RSPH10B2: variants seen among roughly 807,000 people sequenced by gnomAD.
The protein encoded by RSPH10B2 is radial spoke head 10 homolog B2, also known as radial spoke head 10 homolog B2 (Chlamydomonas).
RSPH10B2 carries 9 observed loss-of-function variants against 49.0 expected under a neutral mutation model. The observed-to-expected ratio is 0.18, with a 90% CI of 0.11 to 0.32. The LOEUF is 0.32. Among genes scored for constraint, RSPH10B2 ranks in the 10% least tolerant of loss-of-function variants. The pLI, the probability that RSPH10B2 is intolerant of heterozygous loss-of-function variation, is 1.00. For missense variants in RSPH10B2, 95 were observed against 589.9 expected, an observed-to-expected ratio of 0.16 and a Z score of 8.69; for synonymous variants, 35 against 210.2, an observed-to-expected ratio of 0.17 and a Z score of 7.21.
intron 3 of RSPH10B2, among the ~76,000 whole-genome samples, chr7:6,763,471 G>GACCC (rs1305639372): frequency 3.3e-5 from 4 of 121,794 alleles, no homozygotes; most frequent in African/African-American, 1.3e-4. Flanking sequence ...TCTTTTTCTA[G>GACCC]AGACAGGGTC....
At chr7:6,755,825 C>G (rs1265477719), upstream of RSPH10B2, among the ~76,000 whole-genome samples, 1 of 114,072 alleles carries the variant, frequency 8.8e-6, no homozygotes, top group Non-Finnish European at 1.7e-5. Context: ...CCCAGCTACT[C>G]GAGAGGCTGA....
intron 13 of RSPH10B2, among the ~76,000 whole-genome samples, chr7:6,783,793 T>G (rs910182001): frequency 6.7e-6 from 1 of 149,456 alleles, no homozygotes; most frequent in African/African-American, 2.5e-5. Context: ...TTTCATTTGT[T>G]TCAAGCATGT....
Position 6,780,370 on chromosome 7 carries a change from A to G in RSPH10B2, c.1530-439A>G, listed in dbSNP as rs567076773. 3.2e-4 allele frequency among the ~76,000 whole-genome samples: 39 copies of G among 123,164 alleles called. 7 individuals carry two copies. The highest frequency in any genetic ancestry group is 1.1e-3 in the African/African-American group (38 of 33,572). The allele number at this position is 123,164 out of a possible 152,430, so 80.8% of individuals were successfully genotyped here. A position where few individuals can be genotyped will look rare whatever the true frequency, so the allele number is the denominator to read the frequency against. On this transcript the variant is annotated intron_variant, in intron 11 of 18. Transcript: ENST00000297186. ...CAAAAGTGGTTTTATATCTTTTTTT[A>G]AAAAAACTTTTATTTACATATTTAT... is the stretch of plus-strand genomic sequence containing the variant.
intron 11 of RSPH10B2, among the ~76,000 whole-genome samples, chr7:6,779,974 A>ATTTTTTTT (rs769877980): frequency 9.1e-6 from 1 of 110,070 alleles, no homozygotes; most frequent in African/African-American, 3.4e-5. Context: ...TGCCTGGCTA[A>ATTTTTTTT]TTTTTTTTTT....
At chr7:6,756,039 C>G (rs879722136), upstream of RSPH10B2, among the ~76,000 whole-genome samples, 1 of 150,574 alleles carries the variant, frequency 6.6e-6, no homozygotes, top group Admixed American at 6.6e-5. Context: ...GAGGCCAAGG[C>G]GGGCAGATCA....
At chr7:6,781,307 T>A in intron 12 of RSPH10B2, 21 bp from the exon 15 acceptor site, 1 of 1,285,946 alleles carries the variant, frequency 7.8e-7, no homozygotes, top group Non-Finnish European at 1.0e-6. Context: ...TGTAATCATT[T>A]TTCGAACGTT....
At chr7:6,763,693 G>C (rs1781321970) in intron 3 of RSPH10B2, among the ~76,000 whole-genome samples, 1 of 146,020 alleles carries the variant, frequency 6.8e-6, no homozygotes, top group East Asian at 2.0e-4. Flanking sequence ...CAACCTCCCA[G>C]ATATTTCCTC....
At chr7:6,783,816 A>G (rs1436490501) in intron 13 of RSPH10B2, among the ~76,000 whole-genome samples, 8 of 142,650 alleles carry the variant, frequency 5.6e-5, no homozygotes, top group South Asian at 2.3e-4. Flanking sequence ...GCAATTGCCC[A>G]TTGAATAATA....
intron 18 of RSPH10B2, among the ~76,000 whole-genome samples, chr7:6,797,268 C>A (rs1332566283): frequency 6.9e-6 from 1 of 144,034 alleles, no homozygotes; most frequent in Non-Finnish European, 1.5e-5. Context: ...CTTGGCCTCC[C>A]AAAGTGCTGG....
intron 17 of RSPH10B2, among the ~76,000 whole-genome samples, chr7:6,795,738 A>G (rs68064568): frequency 0.36 from 51,434 of 144,694 alleles, 10,026 homozygotes; most frequent in South Asian, 0.48. Flanking sequence ...TCCAGCCTGG[A>G]TGACAGAGCA....
chr7:6,786,317 A>G (rs1282489897), intron 14 of RSPH10B2, among the ~76,000 whole-genome samples: 1 of 103,348 alleles, frequency 9.7e-6, no homozygotes, highest in African/African-American at 4.1e-5. Context: ...CGAGTAGCTG[A>G]GACTACAGGC....
At chr7:6,786,820 GCT>G (rs1352157031) in intron 14 of RSPH10B2, 56 bp from the exon 17 acceptor site, 6 of 577,844 alleles carry the variant, frequency 1.0e-5, no homozygotes, top group Non-Finnish European at 1.8e-5. Flanking sequence ...GTCAATCAAT[GCT>G]CTGTCTCCAG....
At chr7:6,777,165 C>T (rs1382146714) in intron 10 of RSPH10B2, among the ~76,000 whole-genome samples, 1 of 38,012 alleles carries the variant, frequency 2.6e-5, no homozygotes, top group Non-Finnish European at 4.8e-5. Context: ...AAGTGACTCT[C>T]CTGCCTCAAC....
In RSPH10B2 at chr7:6,785,937, TC is replaced by T. The variant is rs1782150477; in HGVS notation, c.1759-11del. ...TACAATTATAGGCAGTTATGGTTTT[TC>T]TTTTTTACAGGACTTTAAAATGATA... On this transcript the variant is annotated splice_polypyrimidine_tract_variant and intron_variant, in intron 13 of 18. Coordinates refer to ENST00000297186, the Ensembl canonical transcript of RSPH10B2. 1.5e-6 allele frequency: 1 copy of T among 678,588 alleles called. No individual in the cohort carries two copies. The highest frequency in any genetic ancestry group is 2.7e-6 in the Non-Finnish European group (1 of 375,510). The allele number at this position is 678,588 out of a possible 1,614,324, so 42.0% of individuals were successfully genotyped here.
chr7:6,780,670 C>G, intron 11 of RSPH10B2, 139 bp from the exon 14 acceptor site: 1 of 1,017,804 alleles, frequency 9.8e-7, no homozygotes, highest in South Asian at 2.8e-5. Context: ...TAGGTTTGAG[C>G]CACTGACTTT....
At chr7:6,770,720 A>G (rs1377993544) in intron 7 of RSPH10B2, among the ~76,000 whole-genome samples, 3 of 151,094 alleles carry the variant, frequency 2.0e-5, no homozygotes, top group African/African-American at 4.9e-5. Flanking sequence ...CCTGGCTAAC[A>G]TGGTGAAACC....
chr7:6,767,938 C>T (rs1366802961), intron 6 of RSPH10B2, among the ~76,000 whole-genome samples: 3 of 136,450 alleles, frequency 2.2e-5, no homozygotes, highest in Non-Finnish European at 4.6e-5. Flanking sequence ...GTGGCTCACA[C>T]GTGTAATCCC....
intron 13 of RSPH10B2, among the ~76,000 whole-genome samples, chr7:6,783,057 AG>A (rs1354334471): frequency 1.6e-5 from 2 of 122,802 alleles, no homozygotes; most frequent in Non-Finnish European, 3.4e-5. Context: ...TTTTAGACAA[AG>A]TCTCGCTCTT....
intron 13 of RSPH10B2, among the ~76,000 whole-genome samples, chr7:6,783,635 G>C (rs1373693378): frequency 6.8e-6 from 1 of 147,256 alleles, no homozygotes; most frequent in East Asian, 2.0e-4. Context: ...AACATACCCA[G>C]CTAATTTTTC....
Sources: allele counts gnomAD v4.1 joint callset (sites outside exome capture counted in the v4.1 genomes callset), GRCh38; gene constraint gnomAD v4.1.1; transcripts MANE v1.5; gene names NCBI Gene and HGNC (gene_info 2026-07-23, HGNC 2026-07-21).